The following CLIP1 variants were observed in gnomAD, a reference collection of about 807,000 sequenced individuals.
CLIP1 encodes the protein CAP-Gly domain containing linker protein 1.
Under a neutral mutation model 161.6 loss-of-function variants are expected in CLIP1, and 66 were observed. The observed-to-expected ratio is 0.41, with a 90% CI of 0.33 to 0.50. The LOEUF is 0.50. Among genes scored for constraint, CLIP1 ranks in the 20% least tolerant of loss-of-function variants. The pLI is 0.27. For missense variants in CLIP1, 1,376 were observed against 1,702.0 expected (o/e 0.81, Z 3.37); for synonymous variants, 598 against 626.2 (o/e 0.96, Z 0.67).
At chr12:122,418,601 T>A (rs4758664) in intron 1 of CLIP1, among the ~76,000 whole-genome samples, 74,005 of 151,594 alleles carry the variant, frequency 0.49, 21,844 homozygotes, top group Non-Finnish European at 0.64. Flanking sequence ...GGAAAAAAAA[T>A]TTTTTTAATT....
In CLIP1 at chr12:122,313,415, A is replaced by AG. The variant is rs147971899; in HGVS notation, c.3473+3333dup. Among the ~76,000 whole-genome samples, 1,051 of 152,226 alleles carry AG rather than the reference A, an allele frequency of 6.9e-3. 17 individuals carry two copies. The highest frequency in any genetic ancestry group is 0.024 in the African/African-American group (1,002 of 41,546). On this transcript the variant is annotated intron_variant, in intron 19 of 25. Coordinates refer to ENST00000620786, the MANE Select transcript of CLIP1 (RefSeq NM_001247997.2). The stretch of plus-strand genomic sequence containing the variant: ...ATTAGTCAACGGAATAATTCGAAGG[A>AG]GGGGGTCACAAAAACAATTTATGTC...
intron 3 of CLIP1, among the ~76,000 whole-genome samples, chr12:122,372,187 G>C (rs926227299): frequency 6.6e-6 from 1 of 151,796 alleles, no homozygotes; most frequent in Admixed American, 6.6e-5. Flanking sequence ...TTGGGAGGCC[G>C]AGGCGAGCAG....
intron 20 of CLIP1, among the ~76,000 whole-genome samples, chr12:122,293,954 A>G (rs1243495481): frequency 1.3e-5 from 2 of 151,834 alleles, no homozygotes; most frequent in African/African-American, 4.8e-5. Flanking sequence ...AAAGGTAAAC[A>G]TACACTTACC....
chr12:122,409,957 G>A (rs552384141), intron 1 of CLIP1, among the ~76,000 whole-genome samples: 3 of 144,208 alleles, frequency 2.1e-5, no homozygotes, highest in Non-Finnish European at 4.6e-5. Context: ...TGAAAGCTCC[G>A]CCTCCTGGGT....
intron 23 of CLIP1, 94 bp downstream of exon 23, chr12:122,278,698 G>C: frequency 7.6e-7 from 1 of 1,313,196 alleles, no homozygotes; most frequent in Non-Finnish European, 1.0e-6. Flanking sequence ...GGTCAGGGCA[G>C]CATGAGAGCT....
At chr12:122,384,016 T>C (rs1955127441) in intron 1 of CLIP1, among the ~76,000 whole-genome samples, 1 of 152,170 alleles carries the variant, frequency 6.6e-6, no homozygotes, top group Non-Finnish European at 1.5e-5. Flanking sequence ...TCAGAAATAA[T>C]TTTTATGTGA....
rs147006791 is a variant in CLIP1 at position 122,403,849 on chromosome 12, T to C, written c.-107+18672A>G. ...ATAGCTGTTTCATTGGCCCATATTC[T>C]AACACCTGGGAAACTTGTTAGTCTT... On this transcript the variant is annotated intron_variant, in intron 1 of 25. Transcript: ENST00000620786. Among the ~76,000 whole-genome samples the C allele has an allele frequency of 4.5e-4, 69 of 152,180 alleles. 2 individuals carry two copies. In the East Asian group the frequency reaches 0.013, roughly 29 times the overall value.
chr12:122,395,121 A>T (rs1955859078), intron 1 of CLIP1, among the ~76,000 whole-genome samples: 1 of 152,200 alleles, frequency 6.6e-6, no homozygotes, highest in Non-Finnish European at 1.5e-5. Context: ...AGAAGAAAAA[A>T]CTTTATGTTT....
At chr12:122,392,355 T>C (rs551390408) in intron 1 of CLIP1, among the ~76,000 whole-genome samples, 43 of 152,338 alleles carry the variant, frequency 2.8e-4, no homozygotes, top group South Asian at 6.2e-4. Context: ...CATAAAAATA[T>C]GCTTTCTGTA....
At chr12:122,296,876 A>C (rs1212403638) in intron 20 of CLIP1, among the ~76,000 whole-genome samples, 3 of 151,782 alleles carry the variant, frequency 2.0e-5, no homozygotes, top group East Asian at 3.9e-4. Flanking sequence ...AAAAAAAAAA[A>C]AAAAAAACAT....
chr12:122,416,668 C>A (rs1956768577), intron 1 of CLIP1, among the ~76,000 whole-genome samples: 1 of 151,564 alleles, frequency 6.6e-6, no homozygotes, highest in Admixed American at 6.6e-5. Context: ...TGGGAAGCTG[C>A]AGTGGGTAGA....
At chr12:122,391,814 T>A (rs1263871193) in intron 1 of CLIP1, among the ~76,000 whole-genome samples, 2 of 152,212 alleles carry the variant, frequency 1.3e-5, no homozygotes, top group Admixed American at 6.5e-5. Context: ...ACCTGGGGGA[T>A]GTTTCAAATA....
intron 1 of CLIP1, among the ~76,000 whole-genome samples, chr12:122,397,587 A>G (rs1283878781): frequency 1.3e-5 from 2 of 149,262 alleles, no homozygotes; most frequent in African/African-American, 4.9e-5. Context: ...AAAGGAAGAA[A>G]GAAGTCTAGA....
intron 1 of CLIP1, among the ~76,000 whole-genome samples, chr12:122,408,627 T>C (rs1001754305): frequency 6.6e-6 from 1 of 150,884 alleles, no homozygotes; most frequent in African/African-American, 2.4e-5. Flanking sequence ...GGATTACAGG[T>C]GTGAGCTACC....
chr12:122,387,566 ATATATATATATATATATATATATATTTT>A lies in CLIP1; in HGVS notation c.-106-7036_-106-7009del, dbSNP rs1434725480. On this transcript the variant is annotated intron_variant, in intron 1 of 25. Transcript: ENST00000620786. ...CCTTTTCATATATATATATATATAT[ATATATATATATATATATATATATATTTT>A]TTTTTTTTTTTTTTTTTTTTTTAGA... 5.1e-4 allele frequency among the ~76,000 whole-genome samples: 38 copies of A among 74,256 alleles called. 2 individuals carry two copies. The highest frequency in any genetic ancestry group is 6.9e-4 in the Non-Finnish European group (30 of 43,752). The allele number at this position is 74,256 out of a possible 152,430, so 48.7% of individuals were successfully genotyped here. A position where few individuals can be genotyped will look rare whatever the true frequency, so the allele number is the denominator to read the frequency against.
At chr12:122,394,018 A>G (rs1393468659) in intron 1 of CLIP1, among the ~76,000 whole-genome samples, 1 of 151,854 alleles carries the variant, frequency 6.6e-6, no homozygotes, top group Admixed American at 6.6e-5. Flanking sequence ...CAATGCTTTT[A>G]AAAGCACAGT....
At position 122,323,932 on chromosome 12, in the gene CLIP1, A is replaced by G. The variant is rs1951614307; in HGVS notation, c.3249+4015T>C. 1 of 152,624 alleles carries G rather than the reference A, an allele frequency of 6.6e-6. No individual in the cohort carries two copies. Among genetic ancestry groups the G allele is most frequent in the Non-Finnish European group, 1.5e-5 (1 of 68,044 alleles). 9.5% of individuals were successfully genotyped at this position (152,624 alleles called of 1,614,324 possible). A position where few individuals can be genotyped will look rare whatever the true frequency, so the allele number is the denominator to read the frequency against. The stretch of plus-strand genomic sequence containing the variant: ...CTTCCTGGTCCTTCTCAGTCTTAGC[A>G]ATCAAAGTATCTTTGCTGAGCTGGA... On this transcript the variant is annotated intron_variant, in intron 17 of 25. Coordinates refer to ENST00000620786, the MANE Select transcript of CLIP1 (RefSeq NM_001247997.2). The surrounding 1 kb of genome is among the most constrained non-coding windows in gnomAD (Gnocchi z 4.1).
Position 122,379,943 on chromosome 12 carries a change from T to TAAAAAAA in CLIP1, c.85+424_85+425insTTTTTTT, listed in dbSNP as rs1566198620. Among the ~76,000 whole-genome samples the TAAAAAAA allele has an allele frequency of 1.4e-3, 97 of 70,402 alleles. 16 individuals are homozygous for TAAAAAAA. In the South Asian group the frequency reaches 0.021, roughly 16 times the overall value. 46.2% of individuals were successfully genotyped at this position (70,402 alleles called of 152,430 possible). ...TGGGGAATAGAGCAAGACTCCATCT[T>TAAAAAAA]TAAAAAAAAAAAAAAAAAATGCAAG... On this transcript the variant is annotated intron_variant, in intron 2 of 25. Coordinates refer to ENST00000620786, the MANE Select transcript of CLIP1 (RefSeq NM_001247997.2).
At chr12:122,364,255 T>A in intron 3 of CLIP1, 148 bp from the exon 4 acceptor site, 1 of 945,402 alleles carries the variant, frequency 1.1e-6, no homozygotes, top group Non-Finnish European at 1.6e-6. Flanking sequence ...AAGAGTTCTC[T>A]TGAAGGAAGT....
Sources: allele counts gnomAD v4.1 joint callset (sites outside exome capture counted in the v4.1 genomes callset), GRCh38; gene constraint gnomAD v4.1.1; non-coding constraint Gnocchi (gnomAD v3.1); transcripts MANE v1.5; gene names NCBI Gene and HGNC (gene_info 2026-07-23, HGNC 2026-07-21).